The following AFF1 variants were observed in gnomAD, a reference collection of about 807,000 sequenced individuals.
AFF1 encodes the protein ALF transcription elongation factor 1, also known as AF4/FMR2 family member 1.
AFF1 carries 48 observed loss-of-function variants against 121.7 expected under a neutral mutation model. The observed-to-expected ratio is 0.39, with a 90% CI of 0.31 to 0.50. The LOEUF (loss-of-function observed/expected upper bound fraction) is 0.50. AFF1 is among the 20% of genes least tolerant of loss of function. The pLI, the probability that AFF1 is intolerant of heterozygous loss-of-function variation, is 0.76. For missense variants in AFF1, 1,523 were observed against 1,511.7 expected (o/e 1.01, Z -0.12); for synonymous variants, 613 against 563.0 (o/e 1.09, Z -1.26).
At position 87,138,548 on chromosome 4, in the gene AFF1, G is replaced by A. The variant is rs190587600; in HGVS notation, c.*2847G>A. On this transcript the variant is annotated 3_prime_UTR_variant, in exon 21 of 21. Coordinates refer to ENST00000395146, the MANE Select transcript of AFF1 (RefSeq NM_001166693.3). Reference sequence around the variant, plus strand: ...CTTTAGTAGGAAATGGAAGAACACTGTTTTATTTTTTAAAGTGTTTAATGT... The same window carrying A: ...CTTTAGTAGGAAATGGAAGAACACTATTTTATTTTTTAAAGTGTTTAATGT... The A allele has an allele frequency of 2.3e-5, 2 of 85,706 alleles. No homozygotes were observed. The highest frequency in any genetic ancestry group is 4.7e-5 in the Non-Finnish European group (2 of 42,910). The allele number at this position is 85,706 out of a possible 1,614,324, so 5.3% of individuals were successfully genotyped here. A position where few individuals can be genotyped will look rare whatever the true frequency, so the allele number is the denominator to read the frequency against.
intron 2 of AFF1, among the ~76,000 whole-genome samples, chr4:86,977,889 T>G (rs1007284784): frequency 4.6e-5 from 7 of 152,166 alleles, no homozygotes; most frequent in African/African-American, 1.7e-4. Flanking sequence ...TTTTCTTTGT[T>G]TCACACACCA....
chr4:87,075,755 T>G (rs1578200945), intron 4 of AFF1, among the ~76,000 whole-genome samples: 1 of 152,228 alleles, frequency 6.6e-6, no homozygotes, highest in South Asian at 2.1e-4. Context: ...TGAAGACTTC[T>G]GCATCTTAAA....
intron 2 of AFF1, chr4:87,007,198 A>C (rs1168540559): frequency 1.4e-6 from 2 of 1,397,186 alleles, no homozygotes; most frequent in South Asian, 3.2e-5. Flanking sequence ...CCGGATGTCC[A>C]TCAGGATTAG....
At chr4:87,070,967 C>T (rs937233511) in intron 4 of AFF1, among the ~76,000 whole-genome samples, 10 of 152,298 alleles carry the variant, frequency 6.6e-5, no homozygotes, top group East Asian at 3.9e-4. Context: ...CTTAAGTCAA[C>T]GCCAAGACAA....
At chr4:86,991,087 G>A (rs759265368) in intron 2 of AFF1, among the ~76,000 whole-genome samples, 1 of 151,648 alleles carries the variant, frequency 6.6e-6, no homozygotes, top group African/African-American at 2.4e-5. Context: ...AGGAGGTGGA[G>A]GTTGCAGTGA....
intron 4 of AFF1, chr4:87,049,751 G>T: frequency 2.2e-6 from 1 of 456,172 alleles, no homozygotes; most frequent in Non-Finnish European, 4.4e-6. Flanking sequence ...TGGGAGCCCC[G>T]TGGCGCTGTT....
chr4:86,983,255 C>T (rs927782814), intron 2 of AFF1, among the ~76,000 whole-genome samples: 8 of 152,062 alleles, frequency 5.3e-5, no homozygotes, highest in Non-Finnish European at 8.8e-5. Context: ...AGGCTGGGCA[C>T]AGCGGTTCAC....
intron 2 of AFF1, among the ~76,000 whole-genome samples, chr4:86,960,699 A>G (rs1409917296): frequency 6.6e-6 from 1 of 152,156 alleles, no homozygotes; most frequent in Non-Finnish European, 1.5e-5. Context: ...TTGCTGCCTA[A>G]ATTCAGCTTG....
intron 16 of AFF1, among the ~76,000 whole-genome samples, chr4:87,130,346 A>G (rs1201727448): frequency 1.3e-5 from 2 of 152,214 alleles, no homozygotes; most frequent in Non-Finnish European, 2.9e-5. Flanking sequence ...GTTGCTCTCA[A>G]GGTCTTCATG....
At chr4:87,065,510 T>A (rs1341446110) in intron 4 of AFF1, among the ~76,000 whole-genome samples, 3 of 145,556 alleles carry the variant, frequency 2.1e-5, no homozygotes, top group Non-Finnish European at 3.0e-5. Flanking sequence ...GAGGTGAGGT[T>A]AAAAAAAAAA....
At chr4:87,044,238 T>G (rs1372787099) in intron 2 of AFF1, among the ~76,000 whole-genome samples, 1 of 152,246 alleles carries the variant, frequency 6.6e-6, no homozygotes, top group Non-Finnish European at 1.5e-5. Context: ...AGATGATTTT[T>G]TAAAATAATT....
At chr4:86,988,048 G>T (rs11933097) in intron 2 of AFF1, among the ~76,000 whole-genome samples, 5,693 of 84,794 alleles carry the variant, frequency 0.067, 190 homozygotes, top group African/African-American at 0.15. Flanking sequence ...TTTTGTTTTT[G>T]ATATATAATA....
chr4:86,953,628 CTTTT>C (rs1329917756), intron 2 of AFF1, among the ~76,000 whole-genome samples: 1 of 152,194 alleles, frequency 6.6e-6, no homozygotes, highest in Non-Finnish European at 1.5e-5. Flanking sequence ...TTCCGTCCCC[CTTTT>C]TAATAGTTCT....
At chr4:87,020,886 C>T (rs1386611184) in intron 2 of AFF1, 1 of 935,122 alleles carries the variant, frequency 1.1e-6, no homozygotes, top group South Asian at 4.9e-5. Flanking sequence ...CAGAAGGTTT[C>T]TTTGAGTATA....
At chr4:86,977,105 T>C (rs1723357240) in intron 2 of AFF1, among the ~76,000 whole-genome samples, 1 of 152,198 alleles carries the variant, frequency 6.6e-6, no homozygotes, top group East Asian at 1.9e-4. Context: ...GTTTCTGTTT[T>C]TCAAATACAG....
Position 87,139,527 on chromosome 4 carries a change from A to G in AFF1, c.*3826A>G. ...TGCAAGAATATTTTGTGCTTTCTTTAGAAACACAAGAGTATAGATTTTTCT... is the reference window on the plus strand; with the variant it reads ...TGCAAGAATATTTTGTGCTTTCTTTGGAAACACAAGAGTATAGATTTTTCT... On this transcript the variant is annotated 3_prime_UTR_variant, in exon 21 of 21. Coordinates refer to ENST00000395146, the MANE Select transcript of AFF1 (RefSeq NM_001166693.3). 4.3e-6 allele frequency: 1 copy of G among 231,060 alleles called. No individual in the cohort carries two copies. The highest frequency in any genetic ancestry group is 8.6e-6 in the Non-Finnish European group (1 of 116,456). The allele number at this position is 231,060 out of a possible 1,614,324, so 14.3% of individuals were successfully genotyped here. A position where few individuals can be genotyped will look rare whatever the true frequency, so the allele number is the denominator to read the frequency against.
At chr4:86,970,439 C>T (rs1409286158) in intron 2 of AFF1, among the ~76,000 whole-genome samples, 1 of 152,200 alleles carries the variant, frequency 6.6e-6, no homozygotes, top group African/African-American at 2.4e-5. Context: ...AAAAATGTTG[C>T]TCCTTTACTT....
At chr4:87,044,356 TCTATGCAGAGTA>T (rs1189772859) in intron 2 of AFF1, among the ~76,000 whole-genome samples, 3 of 152,188 alleles carry the variant, frequency 2.0e-5, no homozygotes, top group Non-Finnish European at 4.4e-5. Context: ...ATGATTAGCT[TCTATGCAGAGTA>T]CCATGCTTTA....
chr4:87,131,502 C>G (rs941044621), intron 17 of AFF1, among the ~76,000 whole-genome samples: 6 of 152,276 alleles, frequency 3.9e-5, no homozygotes, highest in African/African-American at 1.4e-4. Flanking sequence ...AGTGTCCTCT[C>G]CTCTCAGTTT....
Sources: gnomAD v4.1 joint callset for allele counts (sites outside exome capture counted in the v4.1 genomes callset) on GRCh38, gnomAD v4.1.1 for gene constraint, MANE v1.5 for transcripts, NCBI Gene and HGNC (gene_info 2026-07-23, HGNC 2026-07-21) for gene names.